RAI1: variants seen among roughly 807,000 people sequenced by gnomAD.
The protein encoded by RAI1 is retinoic acid-induced protein 1.
Under a neutral mutation model 123.8 loss-of-function variants are expected in RAI1, and 9 were observed. The observed-to-expected ratio is 0.07, with a 90% CI of 0.04 to 0.13. The LOEUF (loss-of-function observed/expected upper bound fraction) is 0.13, where lower values mean the gene tolerates loss of function less well. Ranked by LOEUF, RAI1 falls within the 10% of genes least tolerant of loss-of-function variation. RAI1 has a pLI of 1.00. For synonymous variants in RAI1, 1,231 were observed against 1,127.3 expected (o/e 1.09, Z -1.84); for missense variants, 2,256 against 2,545.8 (o/e 0.89, Z 2.45).
intron 1 of RAI1, among the ~76,000 whole-genome samples, chr17:17,710,898 T>C: frequency 6.6e-6 from 1 of 152,150 alleles, no homozygotes; most frequent in East Asian, 1.9e-4. Flanking sequence ...AGCCTCGTAC[T>C]CCAGAGCTCT....
chr17:17,733,971 C>T (rs911391162), intron 2 of RAI1, among the ~76,000 whole-genome samples: 10 of 152,154 alleles, frequency 6.6e-5, no homozygotes, highest in African/African-American at 2.4e-4. Context: ...ACCACGTGTA[C>T]GTTCTGATTC....
At chr17:17,708,792 C>T (rs530550764) in intron 1 of RAI1, among the ~76,000 whole-genome samples, 2 of 152,342 alleles carry the variant, frequency 1.3e-5, no homozygotes, top group East Asian at 1.9e-4. Flanking sequence ...ACAGGCTGGG[C>T]ACCATAAGTG....
chr17:17,772,774 A>G (rs2031205092), intron 2 of RAI1, among the ~76,000 whole-genome samples: 1 of 151,412 alleles, frequency 6.6e-6, no homozygotes, highest in Non-Finnish European at 1.5e-5. Flanking sequence ...GCTGGCACTT[A>G]CTTGCCTTCT....
At position 17,799,500 on chromosome 17, in the gene RAI1, CTCCACTGCCTCATCCAGACT is replaced by C. The variant is rs2032384975; in HGVS notation, c.5565+991_5565+1010del. On this transcript the variant is annotated intron_variant, in intron 3 of 5. Transcript: ENST00000353383. The surrounding 1 kb of genome is among the most constrained non-coding windows in gnomAD (Gnocchi z 4.5). ...CTTCTGCCCCCACATTCAACCCCGA[CTCCACTGCCTCATCCAGACT>C]TCCGTGGAGTGACGCTCCCGGCTCT... is the stretch of plus-strand genomic sequence containing the variant. Among the ~76,000 whole-genome samples, 1 of 152,186 alleles carries C rather than the reference CTCCACTGCCTCATCCAGACT, an allele frequency of 6.6e-6. No homozygotes were observed. Among genetic ancestry groups the C allele is most frequent in the Admixed American group, 6.5e-5 (1 of 15,286 alleles).
chr17:17,682,514 C>T (rs1268024645), intron 1 of RAI1: 3 of 152,146 alleles, frequency 2.0e-5, no homozygotes, highest in African/African-American at 7.2e-5. Flanking sequence ...GACGGCGGCG[C>T]AGCCCGCCGC....
intron 1 of RAI1, among the ~76,000 whole-genome samples, chr17:17,690,188 C>T (rs1005486027): frequency 2.6e-5 from 4 of 152,062 alleles, no homozygotes; most frequent in Admixed American, 6.5e-5. Flanking sequence ...AGTTCGAGAC[C>T]AGCCTGGCCA....
At chr17:17,729,609 G>T (rs1261511154) in intron 2 of RAI1, among the ~76,000 whole-genome samples, 1 of 152,230 alleles carries the variant, frequency 6.6e-6, no homozygotes, top group Non-Finnish European at 1.5e-5. Context: ...TTTTTCCGGA[G>T]AGGACTGACA....
At position 17,797,528 on chromosome 17, in the gene RAI1, G is replaced by C. The variant is rs140883438; in HGVS notation, c.4580G>C (p.Gly1527Ala). The change falls in exon 3 of 6, where the codon GGC becomes GCC. Residue 1527 changes from glycine to alanine, a missense_variant. By Grantham distance (60) the Gly-to-Ala change is moderately conservative. Transcript: ENST00000353383. ...CAGACAAGGGCACAGAAACAGCCAG[G>C]CCACACCAACTACAGCAGCTATTCC... ...QPQTRAQKQPGHTNYSSYSKR... is the reference protein window; with the variant it reads ...QPQTRAQKQPAHTNYSSYSKR... The C allele has an allele frequency of 1.9e-6, 3 of 1,613,962 alleles. No individual in the cohort carries two copies. Among genetic ancestry groups the C allele is most frequent in the Non-Finnish European group, 2.5e-6 (3 of 1,179,954 alleles).
chr17:17,762,996 C>T (rs1165984271), intron 2 of RAI1, among the ~76,000 whole-genome samples: 1 of 151,864 alleles, frequency 6.6e-6, no homozygotes, highest in Non-Finnish European at 1.5e-5. Context: ...GATTCCGAGG[C>T]CAGAGCTGAA....
At chr17:17,788,114 G>A (rs563823635) in intron 2 of RAI1, among the ~76,000 whole-genome samples, 9 of 152,258 alleles carry the variant, frequency 5.9e-5, no homozygotes, top group South Asian at 4.1e-4. Context: ...TGGTCACCCC[G>A]TGGGATTCTT....
At chr17:17,726,429 A>T (rs1916092362) in intron 2 of RAI1, among the ~76,000 whole-genome samples, 1 of 152,030 alleles carries the variant, frequency 6.6e-6, no homozygotes, top group Non-Finnish European at 1.5e-5. Flanking sequence ...CCAGCAAGGG[A>T]TTCACTGCTG....
chr17:17,805,963 A>G (rs890990982), intron 4 of RAI1, among the ~76,000 whole-genome samples: 1 of 152,192 alleles, frequency 6.6e-6, no homozygotes, highest in Admixed American at 6.5e-5. Context: ...CACAGCACAC[A>G]GCATGGCGTG....
intron 1 of RAI1, among the ~76,000 whole-genome samples, chr17:17,686,509 A>T (rs1914638288): frequency 6.8e-6 from 1 of 147,982 alleles, no homozygotes; most frequent in South Asian, 2.1e-4. Context: ...CAGGGCTTGG[A>T]GGTACAGGCT....
Position 17,795,393 on chromosome 17 carries a change from G to A in RAI1, c.2445G>A (p.Val815=). The A allele has an allele frequency of 6.3e-7, 1 of 1,592,978 alleles. No individual in the cohort carries two copies. The highest frequency in any genetic ancestry group is 8.6e-7 in the Non-Finnish European group (1 of 1,167,526). Residue 815 remains valine, a synonymous_variant, in exon 3 of 6, where the codon GTG becomes GTA. Transcript: ENST00000353383. The surrounding 1 kb of genome is among the most constrained non-coding windows in gnomAD (Gnocchi z 5.9). ...CCGGGGACTTCAAGCAGGAGGAGGT[G>A]GGTGGGGTGAAGGAGGAGGCAGGTG... ...SLPGDFKQEE[V]GGVKEEAGGL... is the part of the protein sequence containing the mutation.
intron 1 of RAI1, among the ~76,000 whole-genome samples, chr17:17,701,072 C>T (rs1915208431): frequency 6.6e-6 from 1 of 152,112 alleles, no homozygotes; most frequent in Non-Finnish European, 1.5e-5. Flanking sequence ...GCTCATCCTC[C>T]CTGAAACCCA....
chr17:17,715,613 T>G (rs1807486625), intron 1 of RAI1, among the ~76,000 whole-genome samples: 1 of 152,090 alleles, frequency 6.6e-6, no homozygotes, highest in Admixed American at 6.5e-5. Context: ...GCCCCTTCCA[T>G]TCACATGGTA....
At chr17:17,742,413 G>T (rs996774358) in intron 2 of RAI1, among the ~76,000 whole-genome samples, 7 of 152,204 alleles carry the variant, frequency 4.6e-5, no homozygotes, top group Non-Finnish European at 8.8e-5. Flanking sequence ...TCAGATCTTG[G>T]TTTGAATGAA....
At chr17:17,750,704 A>AAG in intron 2 of RAI1, among the ~76,000 whole-genome samples, 1 of 151,308 alleles carries the variant, frequency 6.6e-6, no homozygotes, top group African/African-American at 2.4e-5. Flanking sequence ...AAAAAAAAAA[A>AAG]AAAAAAAAAG....
chr17:17,741,086 C>T lies in RAI1; in HGVS notation c.-17+16927C>T, dbSNP rs1039908481. On this transcript the variant is annotated intron_variant, in intron 2 of 5. Transcript: ENST00000353383. ...ACCATGTTAGTATTCAGCACAAGCG[C>T]GCGCGCACACACACACACACACACA... Among the ~76,000 whole-genome samples, 9 of 147,892 alleles carry T rather than the reference C, an allele frequency of 6.1e-5. No individual in the cohort carries two copies. The South Asian group carries it at 1.9e-3, about 31-fold the overall frequency.
Sources: allele counts gnomAD v4.1 joint callset (sites outside exome capture counted in the v4.1 genomes callset), GRCh38; gene constraint gnomAD v4.1.1; non-coding constraint Gnocchi (gnomAD v3.1); transcripts MANE v1.5; gene names NCBI Gene and HGNC (gene_info 2026-07-23, HGNC 2026-07-21).